The following NOX4 variants were observed in gnomAD, a reference collection of about 807,000 sequenced individuals.
NOX4 encodes the protein kidney oxidase-1.
A neutral mutation model predicts 87.6 loss-of-function variants in NOX4; 69 were observed. That is an observed-to-expected ratio of 0.79 (90% CI 0.65 to 0.96). The LOEUF (loss-of-function observed/expected upper bound fraction) is 0.96. NOX4 is among the 40% of genes least tolerant of loss of function. The pLI, the probability that NOX4 is intolerant of heterozygous loss-of-function variation, is 0.00. For synonymous variants in NOX4, 275 were observed against 238.2 expected, an observed-to-expected ratio of 1.15 and a Z score of -1.42; for missense variants, 680 against 681.5, an observed-to-expected ratio of 1.00 and a Z score of 0.02.
chr11:89,444,060 C>T, intron 5 of NOX4, 75 bp downstream of exon 5: 1 of 1,287,656 alleles, frequency 7.8e-7, no homozygotes, highest in East Asian at 2.3e-5. Flanking sequence ...TACAAATTTT[C>T]AGGGAAAAAT....
chr11:89,330,301 A>C (rs969472967), intron 17 of NOX4, among the ~76,000 whole-genome samples: 11 of 152,046 alleles, frequency 7.2e-5, no homozygotes, highest in Middle Eastern at 3.2e-3. Flanking sequence ...GTGAGTCTAG[A>C]TCATGTCACT....
intron 13 of NOX4, among the ~76,000 whole-genome samples, chr11:89,346,334 G>C (rs1030709514): frequency 1.3e-5 from 2 of 152,018 alleles, no homozygotes; most frequent in Admixed American, 6.6e-5. Flanking sequence ...AAGTTCTTTG[G>C]CAAGGAGTCC....
At chr11:89,436,116 T>C (rs1480898941) in intron 6 of NOX4, among the ~76,000 whole-genome samples, 2 of 152,206 alleles carry the variant, frequency 1.3e-5, no homozygotes, top group East Asian at 1.9e-4. Flanking sequence ...TTTGTAGGCA[T>C]ATACAGTGTA....
the NOX4 span, among the ~76,000 whole-genome samples, chr11:89,537,621 C>G: frequency 6.6e-6 from 1 of 151,600 alleles, no homozygotes; most frequent in Non-Finnish European, 1.5e-5. Flanking sequence ...AGGGCCCCCC[C>G]GAGGCTAAAC....
chr11:89,346,984 T>C (rs1021141954), intron 13 of NOX4, among the ~76,000 whole-genome samples: 6 of 152,186 alleles, frequency 3.9e-5, no homozygotes, highest in Non-Finnish European at 7.4e-5. Context: ...TTCTTATAAC[T>C]ACATTCCACA....
At chr11:89,386,024 C>T (rs1198458520) in intron 11 of NOX4, among the ~76,000 whole-genome samples, 1 of 152,130 alleles carries the variant, frequency 6.6e-6, no homozygotes, top group Non-Finnish European at 1.5e-5. Flanking sequence ...CCTCAATCTT[C>T]AGGAAAGGTA....
chr11:89,475,762 C>T (rs954782983), intron 2 of NOX4, among the ~76,000 whole-genome samples: 1 of 151,838 alleles, frequency 6.6e-6, no homozygotes, highest in African/African-American at 2.4e-5. Flanking sequence ...AAGAGGGGTT[C>T]CAAGTAATAT....
the NOX4 span, chr11:89,557,266 A>G: frequency 6.6e-6 from 1 of 152,168 alleles, no homozygotes; most frequent in South Asian, 2.1e-4. Context: ...TGAATGCTAG[A>G]ATTATTAAGT....
At chr11:89,585,978 C>A in the NOX4 span, among the ~76,000 whole-genome samples, 1 of 152,050 alleles carries the variant, frequency 6.6e-6, no homozygotes, top group Non-Finnish European at 1.5e-5. Flanking sequence ...ATTTCTTGTT[C>A]ACCTCAACTC....
chr11:89,521,517 A>G, the NOX4 span, among the ~76,000 whole-genome samples: 2 of 152,104 alleles, frequency 1.3e-5, no homozygotes, highest in East Asian at 1.9e-4. Context: ...ATTTTACCAC[A>G]TACAAAATTA....
At chr11:89,365,764 A>AAAC (rs1938924948) in intron 12 of NOX4, among the ~76,000 whole-genome samples, 1 of 151,250 alleles carries the variant, frequency 6.6e-6, no homozygotes, top group East Asian at 1.9e-4. Flanking sequence ...AAAAAAAAAA[A>AAAC]AAAAAAAAAA....
intron 13 of NOX4, among the ~76,000 whole-genome samples, chr11:89,345,995 A>G (rs1946200682): frequency 1.3e-5 from 2 of 152,182 alleles, no homozygotes; most frequent in Admixed American, 1.3e-4. Context: ...TAAGAAACAA[A>G]GTCATACTAT....
intron 14 of NOX4, among the ~76,000 whole-genome samples, chr11:89,340,758 G>C (rs893890056): frequency 6.6e-6 from 1 of 152,232 alleles, no homozygotes; most frequent in East Asian, 1.9e-4. Context: ...TATAAAGTAG[G>C]CTTGAGGTTA....
At chr11:89,523,384 T>A in the NOX4 span, among the ~76,000 whole-genome samples, 1 of 152,076 alleles carries the variant, frequency 6.6e-6, no homozygotes, top group East Asian at 1.9e-4. Context: ...AAAAGTAAGC[T>A]CAGCAATGAG....
At chr11:89,484,456 T>C (rs926289170) in intron 2 of NOX4, among the ~76,000 whole-genome samples, 15 of 152,154 alleles carry the variant, frequency 9.9e-5, no homozygotes, top group African/African-American at 3.6e-4. Flanking sequence ...AAAGTATCAT[T>C]TCACCTAAAA....
the NOX4 span, among the ~76,000 whole-genome samples, chr11:89,570,208 A>G: frequency 4.6e-5 from 7 of 152,214 alleles, no homozygotes; most frequent in Non-Finnish European, 1.0e-4. Flanking sequence ...TTGCAGCAAC[A>G]CATGTGGAAT....
chr11:89,415,620 T>TATAC (rs1860947956), intron 8 of NOX4, among the ~76,000 whole-genome samples: 2 of 152,168 alleles, frequency 1.3e-5, no homozygotes, highest in Admixed American at 6.6e-5. Context: ...GATACGTGTG[T>TATAC]GTATGTATTT....
chr11:89,489,768 C>G (rs539826875), intron 2 of NOX4, among the ~76,000 whole-genome samples: 1 of 148,108 alleles, frequency 6.8e-6, no homozygotes, highest in Non-Finnish European at 1.5e-5. Flanking sequence ...AAAAAGAAAA[C>G]GCAATCTCCT....
intron 12 of NOX4, among the ~76,000 whole-genome samples, chr11:89,361,746 C>T (rs908707679): frequency 2.0e-5 from 3 of 152,068 alleles, no homozygotes; most frequent in South Asian, 4.1e-4. Flanking sequence ...CATCCTGCTC[C>T]ATTTCATATT....
Sources: gnomAD v4.1 joint callset for allele counts (sites outside exome capture counted in the v4.1 genomes callset) on GRCh38, gnomAD v4.1.1 for gene constraint, MANE v1.5 for transcripts, NCBI Gene and HGNC (gene_info 2026-07-23, HGNC 2026-07-21) for gene names.